The following EGFR variants were observed in gnomAD, a reference collection of about 807,000 sequenced individuals.
EGFR encodes the protein avian erythroblastic leukemia viral (v-erb-b) oncogene homolog.
In EGFR, 58 loss-of-function variants were observed where a neutral mutation model predicts 143.0. The observed-to-expected ratio is 0.41, with a 90% CI of 0.33 to 0.50. The LOEUF (loss-of-function observed/expected upper bound fraction) is 0.50, where lower values mean the gene tolerates loss of function less well. Ranked by LOEUF, EGFR falls within the 20% of genes least tolerant of loss-of-function variation. The pLI is 0.39. For synonymous variants in EGFR, 613 were observed against 594.4 expected (o/e 1.03, Z -0.45); for missense variants, 1,307 against 1,579.0 (o/e 0.83, Z 2.92).
At chr7:55,026,764 TA>T (rs959921610) in intron 1 of EGFR, among the ~76,000 whole-genome samples, 1 of 151,580 alleles carries the variant, frequency 6.6e-6, no homozygotes, top group Non-Finnish European at 1.5e-5. Flanking sequence ...TCCCTCACCC[TA>T]AAACCAATAT....
intron 1 of EGFR, among the ~76,000 whole-genome samples, chr7:55,033,818 TG>T (rs796299075): frequency 3.9e-5 from 6 of 152,346 alleles, no homozygotes; most frequent in African/African-American, 1.4e-4. Flanking sequence ...GCTTCCCTGG[TG>T]GGTCTCACTT....
At chr7:55,048,114 A>T (rs1788285323) in intron 1 of EGFR, among the ~76,000 whole-genome samples, 1 of 152,236 alleles carries the variant, frequency 6.6e-6, no homozygotes, top group African/African-American at 2.4e-5. Context: ...ATCATTTATT[A>T]GGAGGATGTG....
At chr7:55,067,911 C>T (rs1789600201) in intron 1 of EGFR, among the ~76,000 whole-genome samples, 1 of 150,052 alleles carries the variant, frequency 6.7e-6, no homozygotes, top group Non-Finnish European at 1.5e-5. Flanking sequence ...CGTGTGTGTT[C>T]CTGTGTATGT....
intron 1 of EGFR, among the ~76,000 whole-genome samples, chr7:55,081,720 G>GTT (rs34610296): frequency 2.0e-4 from 26 of 131,978 alleles, no homozygotes; most frequent in African/African-American, 2.6e-4. Context: ...TTTTAGACTG[G>GTT]TTTTTTTTTT....
At chr7:55,095,642 A>G (rs1791415401) in intron 1 of EGFR, among the ~76,000 whole-genome samples, 1 of 152,098 alleles carries the variant, frequency 6.6e-6, no homozygotes, top group South Asian at 2.1e-4. Context: ...CACACAACAC[A>G]CAGAGTTACA....
intron 1 of EGFR, among the ~76,000 whole-genome samples, chr7:55,089,740 G>A (rs1790987031): frequency 6.6e-6 from 1 of 152,118 alleles, no homozygotes; most frequent in Non-Finnish European, 1.5e-5. Flanking sequence ...TGATCCAAAA[G>A]TCAGACCCAC....
At chr7:55,096,488 G>C (rs1016462330) in intron 1 of EGFR, among the ~76,000 whole-genome samples, 3 of 152,156 alleles carry the variant, frequency 2.0e-5, no homozygotes, top group African/African-American at 7.2e-5. Context: ...AACATCAGGC[G>C]ATGGGGATAC....
chr7:55,152,254 A>G (rs967916693), intron 5 of EGFR: 21 of 560,596 alleles, frequency 3.7e-5, no homozygotes, highest in South Asian at 3.1e-4. Context: ...CCCAGCAGGT[A>G]TTTTTGTTCT....
intron 1 of EGFR, among the ~76,000 whole-genome samples, chr7:55,028,839 AT>A (rs1787086679): frequency 6.6e-6 from 1 of 152,218 alleles, no homozygotes; most frequent in South Asian, 2.1e-4. Flanking sequence ...TCCACTTTTG[AT>A]TAAGTCCAAA....
intron 1 of EGFR, among the ~76,000 whole-genome samples, chr7:55,096,648 C>T (rs992006947): frequency 1.3e-5 from 2 of 152,138 alleles, no homozygotes; most frequent in African/African-American, 4.8e-5. Flanking sequence ...GCCACGCAGC[C>T]CTGTGGGAAC....
intron 22 of EGFR, among the ~76,000 whole-genome samples, chr7:55,197,236 A>G (rs559360478): frequency 6.6e-6 from 1 of 152,026 alleles, no homozygotes; most frequent in Non-Finnish European, 1.5e-5. Context: ...TTCCTGGTTT[A>G]CTGTATTTCT....
intron 19 of EGFR, among the ~76,000 whole-genome samples, chr7:55,176,354 C>T (rs767981530): frequency 6.6e-6 from 1 of 152,126 alleles, no homozygotes; most frequent in African/African-American, 2.4e-5. Flanking sequence ...AGGAAATATG[C>T]TTCTGTGGAG....
intron 1 of EGFR, among the ~76,000 whole-genome samples, chr7:55,107,071 A>G (rs1248572890): frequency 6.6e-6 from 1 of 152,172 alleles, no homozygotes; most frequent in African/African-American, 2.4e-5. Flanking sequence ...GTGTGTGTGT[A>G]TGTGTGTGTA....
intron 1 of EGFR, among the ~76,000 whole-genome samples, chr7:55,087,250 A>T (rs1310162155): frequency 2.3e-5 from 3 of 128,692 alleles, no homozygotes; most frequent in African/African-American, 8.8e-5. Flanking sequence ...TTTTAGGTTC[A>T]CTTTAAGTAG....
At chr7:55,038,259 T>C (rs547961373) in intron 1 of EGFR, among the ~76,000 whole-genome samples, 5 of 152,254 alleles carry the variant, frequency 3.3e-5, no homozygotes, top group African/African-American at 1.2e-4. Context: ...TCGCCCCAGT[T>C]TGAAGGCTGC....
At chr7:55,179,146 C>T (rs1290111133) in intron 19 of EGFR, among the ~76,000 whole-genome samples, 2 of 152,200 alleles carry the variant, frequency 1.3e-5, no homozygotes, top group East Asian at 1.9e-4. Context: ...CTGACCAAGC[C>T]GTTCTTTCCT....
At chr7:55,077,402 T>C (rs1790189026) in intron 1 of EGFR, among the ~76,000 whole-genome samples, 1 of 152,224 alleles carries the variant, frequency 6.6e-6, no homozygotes, top group Non-Finnish European at 1.5e-5. Context: ...CAGCGCAATA[T>C]AAATCATAGT....
In EGFR at chr7:55,201,982, C is replaced by CAG. The variant is rs34723095; in HGVS notation, c.3162+200_3162+201insAG. ...CTGGACCAGTAGTAGCATCGCCTGG[C>CAG]CTTGTTAGAAACGCCATTTTTCAGG... On this transcript the variant is annotated intron_variant, in intron 26 of 27. Transcript: ENST00000275493. Among the ~76,000 whole-genome samples the CAG allele has an allele frequency of 0.89, 134,827 of 152,060 alleles. 59,867 individuals are homozygous for CAG. The highest frequency in any genetic ancestry group is 0.94 in the South Asian group (4,533 of 4,830).
At chr7:55,193,633 C>T (rs1367057595) in intron 22 of EGFR, among the ~76,000 whole-genome samples, 2 of 152,192 alleles carry the variant, frequency 1.3e-5, no homozygotes, top group African/African-American at 4.8e-5. Context: ...GAACCTACCC[C>T]TTCACTGAGG....
Sources: allele counts gnomAD v4.1 joint callset (sites outside exome capture counted in the v4.1 genomes callset), GRCh38; gene constraint gnomAD v4.1.1; transcripts MANE v1.5; gene names NCBI Gene and HGNC (gene_info 2026-07-23, HGNC 2026-07-21).